Variants in ARNT observed in about 807,000 individuals in gnomAD.
The protein encoded by ARNT is aryl hydrocarbon receptor nuclear translocator, also known as class E basic helix-loop-helix protein 2.
A neutral mutation model predicts 105.0 loss-of-function variants in ARNT; 30 were observed. That is an observed-to-expected ratio of 0.29 (90% CI 0.21 to 0.39). ARNT has a LOEUF of 0.39. Among genes scored for constraint, ARNT ranks in the 10% least tolerant of loss-of-function variants. The probability of loss-of-function intolerance (pLI) is 1.00; values close to 1 mark genes in which losing one functional copy is unlikely to be tolerated. For missense variants in ARNT, 748 were observed against 978.7 expected, an observed-to-expected ratio of 0.76 and a Z score of 3.15; for synonymous variants, 304 against 344.0, an observed-to-expected ratio of 0.88 and a Z score of 1.29.
chr1:150,849,715 A>G (rs1190439263), intron 3 of ARNT, among the ~76,000 whole-genome samples: 2 of 152,176 alleles, frequency 1.3e-5, no homozygotes, highest in East Asian at 1.9e-4. Context: ...GTGAGCCGAG[A>G]CTGTGCCACT....
chr1:150,839,449 T>G lies in ARNT; in HGVS notation c.478A>C (p.Thr160Pro). The stretch of plus-strand genomic sequence containing the variant: ...CTATAAGTCCCAGAGACCTGATCAG[T>G]GAGGAAAGACGGCTTATAGGAGCCA... ...TDGSYKPSFL[T>P]DQELKHLILE... The change falls in exon 6 of 22, where the codon ACT (threonine) becomes CCT (proline). Residue 160 changes from threonine to proline, a missense_variant. This residue lies in a region of ARNT where 291 missense variants were observed against 444.6 expected (regional missense o/e 0.65). Transcript: ENST00000358595. 6.2e-7 allele frequency: 1 copy of G among 1,614,108 alleles called. No homozygotes were observed.
chr1:150,859,241 A>T (rs1185839376), intron 1 of ARNT, among the ~76,000 whole-genome samples: 1 of 152,096 alleles, frequency 6.6e-6, no homozygotes, highest in Non-Finnish European at 1.5e-5. Flanking sequence ...AGTAAAACTG[A>T]AAGTCCCTCA....
chr1:150,838,586 T>C (rs1488505839), intron 6 of ARNT, among the ~76,000 whole-genome samples: 1 of 152,254 alleles, frequency 6.6e-6, no homozygotes, highest in African/African-American at 2.4e-5. Context: ...TCTCAAACTA[T>C]ATTCTCTCCT....
intron 1 of ARNT, among the ~76,000 whole-genome samples, chr1:150,867,222 C>CAA (rs58175144): frequency 4.1e-4 from 61 of 149,892 alleles, no homozygotes; most frequent in South Asian, 8.4e-4. Context: ...ACAACAACAA[C>CAA]AAAAAAAAAC....
rs587675016 is a variant in ARNT at position 150,822,131 on chromosome 1, T to C, written c.1394+1063A>G. On this transcript the variant is annotated intron_variant, in intron 14 of 21. Coordinates refer to ENST00000358595, the MANE Select transcript of ARNT (RefSeq NM_001668.4). Reference sequence around the variant, plus strand: ...TAATTTTTTCAATATATCCAGGCTATGTAGCTTATTTTTGGGTTTTTCAAA... The same window carrying C: ...TAATTTTTTCAATATATCCAGGCTACGTAGCTTATTTTTGGGTTTTTCAAA... Among the ~76,000 whole-genome samples the C allele has an allele frequency of 2.5e-4, 38 of 152,262 alleles. No individual in the cohort carries two copies. In the South Asian group the frequency reaches 7.9e-3, roughly 32 times the overall value.
intron 1 of ARNT, among the ~76,000 whole-genome samples, chr1:150,865,679 G>A (rs752795962): frequency 1.3e-5 from 2 of 152,276 alleles, no homozygotes; most frequent in African/African-American, 2.4e-5. Context: ...TGAACACGAC[G>A]TAAAGGTGAA....
chr1:150,810,767 C>T lies in ARNT; in HGVS notation c.*1254G>A, dbSNP rs181800295. 212 of 223,118 alleles carry T rather than the reference C, an allele frequency of 9.5e-4. No individual in the cohort carries two copies. The highest frequency in any genetic ancestry group is 1.4e-3 in the Admixed American group (25 of 17,392). The allele number at this position is 223,118 out of a possible 1,614,324, so 13.8% of individuals were successfully genotyped here. On this transcript the variant is annotated 3_prime_UTR_variant, in exon 22 of 22. Coordinates refer to ENST00000358595, the MANE Select transcript of ARNT (RefSeq NM_001668.4). ...ACCCTGTTGAGATGGGTGTCCAGGC[C>T]CCATCTATCATACGGAATTATGATA...
chr1:150,831,586 T>G, intron 10 of ARNT: 1 of 476,034 alleles, frequency 2.1e-6, no homozygotes, highest in South Asian at 3.2e-5. Context: ...AAAACCACAT[T>G]CTGTGACACA....
intron 21 of ARNT, among the ~76,000 whole-genome samples, chr1:150,812,885 G>A (rs1054574793): frequency 6.6e-6 from 1 of 152,090 alleles, no homozygotes. Flanking sequence ...GTTTGACAGG[G>A]ACAGGATCAG....
Position 150,811,473 on chromosome 1 carries a change from C to CACAT in ARNT, c.*547_*548insATGT, listed in dbSNP as rs377116195. 9 of 233,034 alleles carry CACAT rather than the reference C, an allele frequency of 3.9e-5. No individual in the cohort carries two copies. Among genetic ancestry groups the CACAT allele is most frequent in the African/African-American group, 1.8e-4 (8 of 45,016 alleles). The allele number at this position is 233,034 out of a possible 1,614,324, so 14.4% of individuals were successfully genotyped here. A position where few individuals can be genotyped will look rare whatever the true frequency, so the allele number is the denominator to read the frequency against. ...GCATGTGTGCGCACACACACACACA[C>CACAT]ACACATACACACACACTCTCTCTCA... On this transcript the variant is annotated 3_prime_UTR_variant, in exon 22 of 22. Coordinates refer to ENST00000358595, the MANE Select transcript of ARNT (RefSeq NM_001668.4).
At chr1:150,845,876 T>C (rs1662112746) in intron 4 of ARNT, among the ~76,000 whole-genome samples, 1 of 152,210 alleles carries the variant, frequency 6.6e-6, no homozygotes. Flanking sequence ...CACTCCAGCC[T>C]GGGCAACAGA....
chr1:150,826,706 G>A (rs937698047), intron 12 of ARNT, 89 bp from the exon 13 acceptor site: 27 of 957,134 alleles, frequency 2.8e-5, no homozygotes, highest in South Asian at 3.1e-5. Context: ...GTACGATGGC[G>A]CGATCTTGGC....
At position 150,834,048 on chromosome 1, in the gene ARNT, C is replaced by A. The variant is rs779908605; in HGVS notation, c.803+490G>T. ...CTCCTGGGTTCAAGCAATTGTCCTGCCTCAGCCTCCAAGTGGCTGGGATTA... is the reference window on the plus strand; with the variant it reads ...CTCCTGGGTTCAAGCAATTGTCCTGACTCAGCCTCCAAGTGGCTGGGATTA... On this transcript the variant is annotated intron_variant, in intron 8 of 21. Coordinates refer to ENST00000358595, the MANE Select transcript of ARNT (RefSeq NM_001668.4). Among the ~76,000 whole-genome samples, 9 of 151,896 alleles carry A rather than the reference C, an allele frequency of 5.9e-5. No individual in the cohort carries two copies. The South Asian group carries it at 1.9e-3, about 31-fold the overall frequency.
chr1:150,872,436 C>A (rs1364824599), intron 1 of ARNT, among the ~76,000 whole-genome samples: 1 of 152,154 alleles, frequency 6.6e-6, no homozygotes, highest in Non-Finnish European at 1.5e-5. Flanking sequence ...CAAACCCAAA[C>A]GGTATTACCC....
At chr1:150,854,447 T>G (rs1022278740) in intron 2 of ARNT, among the ~76,000 whole-genome samples, 2 of 88,390 alleles carry the variant, frequency 2.3e-5, no homozygotes, top group African/African-American at 4.5e-5. Context: ...TCCTAGCTAC[T>G]TGGGTTGGGG....
At position 150,813,289 on chromosome 1, in the gene ARNT, C is replaced by A; in HGVS notation, c.2163G>T (p.Glu721Asp). 6.2e-7 allele frequency: 1 copy of A among 1,613,814 alleles called. No individual in the cohort carries two copies. Among genetic ancestry groups the A allele is most frequent in the Non-Finnish European group, 8.5e-7 (1 of 1,179,898 alleles). Residue 721 changes from glutamate to aspartate, a missense_variant, in exon 21 of 22, where the codon GAG becomes GAT. This residue lies in a region of ARNT where 360 missense variants were observed against 411.9 expected (regional missense o/e 0.87). Transcript: ENST00000358595. ...TAGQFQTRTAEGVGVWPQWQG... is the reference protein window; with the variant it reads ...TAGQFQTRTADGVGVWPQWQG... ...GCCACTGTGGCCAGACACCCACACC[C>A]TCTGCTGTCCGTGTCTGGAATTGTC...
In ARNT at chr1:150,872,379, A is replaced by C. The variant is rs587711352; in HGVS notation, c.25+4164T>G. Among the ~76,000 whole-genome samples, 19 of 152,374 alleles carry C rather than the reference A, an allele frequency of 1.2e-4. No homozygotes were observed. The South Asian group carries it at 1.9e-3, about 15-fold the overall frequency. ...TGACGCAGTTAAAACTAAGTTATATAGGTGAAAATTAGCTAAAAAAAATTT... is the reference window on the plus strand; with the variant it reads ...TGACGCAGTTAAAACTAAGTTATATCGGTGAAAATTAGCTAAAAAAAATTT... On this transcript the variant is annotated intron_variant, in intron 1 of 21. Transcript: ENST00000358595.
At chr1:150,815,215 T>G (rs1156552411) in intron 19 of ARNT, among the ~76,000 whole-genome samples, 4 of 152,056 alleles carry the variant, frequency 2.6e-5, no homozygotes, top group African/African-American at 9.7e-5. Flanking sequence ...CTTTAGACAG[T>G]GTATTTATTG....
chr1:150,854,535 C>G (rs962197202), intron 2 of ARNT, among the ~76,000 whole-genome samples: 1 of 152,018 alleles, frequency 6.6e-6, no homozygotes, highest in East Asian at 1.9e-4. Flanking sequence ...GCACTCCAAC[C>G]TCAGTGACAT....
Sources: gnomAD v4.1 joint callset for allele counts (sites outside exome capture counted in the v4.1 genomes callset) on GRCh38, gnomAD v4.1.1 for gene constraint, gnomAD v4.1.1 regional missense constraint, MANE v1.5 for transcripts, NCBI Gene and HGNC (gene_info 2026-07-23, HGNC 2026-07-21) for gene names.